The following USP13 variants were observed in gnomAD, a reference collection of about 807,000 sequenced individuals.
USP13 encodes ubiquitin carboxyl-terminal hydrolase 13.
Under a neutral mutation model 107.8 loss-of-function variants are expected in USP13, and 68 were observed. The ratio of observed to expected loss-of-function variants is 0.63; its 90% confidence interval spans 0.52 to 0.77. USP13 has a LOEUF of 0.77. Ranked by LOEUF, USP13 falls within the 30% of genes least tolerant of loss-of-function variation. The pLI is 0.00. For missense variants in USP13, 945 were observed against 1,093.3 expected (o/e 0.86, Z 1.91); for synonymous variants, 377 against 389.5 (o/e 0.97, Z 0.38).
chr3:179,690,431 T>C, intron 3 of USP13, 130 bp downstream of exon 3: 1 of 778,662 alleles, frequency 1.3e-6, no homozygotes, highest in Non-Finnish European at 2.0e-6. Context: ...GAGGCACAGA[T>C]TTAAGGCCCG....
chr3:179,768,176 A>T lies in USP13; in HGVS notation c.2413+2328A>T, dbSNP rs562196612. On this transcript the variant is annotated intron_variant, in intron 19 of 20. Coordinates refer to ENST00000263966, the MANE Select transcript of USP13 (RefSeq NM_003940.3). Reference sequence around the variant, plus strand: ...CATAATGGGCATTTCCTTGGAGAGGATGAGTCCCTGCGGAAGGAATTAACC... The same window carrying T: ...CATAATGGGCATTTCCTTGGAGAGGTTGAGTCCCTGCGGAAGGAATTAACC... Among the ~76,000 whole-genome samples, 193 of 152,316 alleles carry T rather than the reference A, an allele frequency of 1.3e-3. 1 individual carries two copies. The highest frequency in any genetic ancestry group is 4.5e-3 in the African/African-American group (185 of 41,564).
In USP13 at chr3:179,740,386, C is replaced by T. The variant is rs147766388; in HGVS notation, c.1380+14C>T. ...AATCTAGTAGAGGTGAGTAGTCAGT[C>T]TTCACGGATGCTCAGCGGGGTTGTA... On this transcript the variant is annotated intron_variant, in intron 11 of 20. Transcript: ENST00000263966. 2 of 1,613,866 alleles carry T rather than the reference C, an allele frequency of 1.2e-6. No homozygotes were observed. The highest frequency in any genetic ancestry group is 1.7e-6 in the Non-Finnish European group (2 of 1,179,870).
chr3:179,743,037 T>C (rs2268929), intron 12 of USP13, among the ~76,000 whole-genome samples: 71,243 of 152,026 alleles, frequency 0.47, 17,244 homozygotes, highest in East Asian at 0.67. Context: ...TCCTGTGAAC[T>C]AGTCATTTTT....
At chr3:179,729,928 T>C (rs1713736804) in intron 8 of USP13, among the ~76,000 whole-genome samples, 3 of 152,226 alleles carry the variant, frequency 2.0e-5, no homozygotes, top group Admixed American at 2.0e-4. Context: ...TTAGGGGTGC[T>C]TCTGGTTTTG....
At chr3:179,718,819 C>T (rs1187977334) in intron 6 of USP13, among the ~76,000 whole-genome samples, 2 of 152,012 alleles carry the variant, frequency 1.3e-5, no homozygotes, top group South Asian at 2.1e-4. Flanking sequence ...GCCAGTGGCA[C>T]GATCTTGGGT....
chr3:179,748,889 AC>A (rs1441255158), intron 13 of USP13, among the ~76,000 whole-genome samples: 6 of 152,164 alleles, frequency 3.9e-5, no homozygotes, highest in Non-Finnish European at 8.8e-5. Flanking sequence ...CTATCTGTAA[AC>A]TGGGGATAAT....
intron 6 of USP13, 137 bp downstream of exon 6, chr3:179,709,094 T>C (rs1014456414): frequency 3.6e-6 from 4 of 1,113,414 alleles, no homozygotes; most frequent in African/African-American, 3.2e-5. Flanking sequence ...CTGCCTCTTA[T>C]TAGTTTTGAG....
intron 7 of USP13, 116 bp downstream of exon 7, chr3:179,720,150 T>G: frequency 1.5e-6 from 1 of 656,514 alleles, no homozygotes; most frequent in East Asian, 3.2e-5. Context: ...CTTCATTTTA[T>G]AGGTTTTAGC....
At chr3:179,754,888 C>T (rs1714735347) in intron 15 of USP13, 34 bp downstream of exon 15, 3 of 1,581,352 alleles carry the variant, frequency 1.9e-6, no homozygotes, top group Non-Finnish European at 2.6e-6. Flanking sequence ...ATGCGCTACC[C>T]TCCCACCCTG....
At chr3:179,756,075 GCT>G (rs1280541513) in intron 15 of USP13, among the ~76,000 whole-genome samples, 1 of 152,196 alleles carries the variant, frequency 6.6e-6, no homozygotes, top group Middle Eastern at 3.2e-3. Context: ...TACTGCTCCA[GCT>G]CTCTCTGATG....
chr3:179,786,278 T>C lies in USP13; in HGVS notation c.*2137T>C, dbSNP rs1373996912. ...AAAAATGGCTTGTTTTCAGCGATGT[T>C]ATAAAACAAAGGCCTGTTTTTTGGA... On this transcript the variant is annotated 3_prime_UTR_variant, in exon 21 of 21. Transcript: ENST00000263966. 1 of 152,226 alleles carries C rather than the reference T, an allele frequency of 6.6e-6. No individual in the cohort carries two copies. Among genetic ancestry groups the C allele is most frequent in the Non-Finnish European group, 1.5e-5 (1 of 68,040 alleles). The allele number at this position is 152,226 out of a possible 1,614,324, so 9.4% of individuals were successfully genotyped here. A position where few individuals can be genotyped will look rare whatever the true frequency, so the allele number is the denominator to read the frequency against.
At chr3:179,676,982 C>T (rs1393460908) in intron 1 of USP13, among the ~76,000 whole-genome samples, 5 of 151,962 alleles carry the variant, frequency 3.3e-5, no homozygotes, top group Non-Finnish European at 7.4e-5. Context: ...CCTCAGCCTC[C>T]CAAGTAGCTG....
In USP13 at chr3:179,690,313, T is replaced by C. The variant is rs766816975; in HGVS notation, c.355+12T>C. 5.0e-6 allele frequency: 8 copies of C among 1,612,852 alleles called. No homozygotes were observed. The highest frequency in any genetic ancestry group is 1.3e-5 in the African/African-American group (1 of 75,022). ...CAAGATTTTTTTAGGTAAATAGTTATCAGTAGCATGCTCAGATTTTGTGTT... is the reference window on the plus strand; with the variant it reads ...CAAGATTTTTTTAGGTAAATAGTTACCAGTAGCATGCTCAGATTTTGTGTT... On this transcript the variant is annotated intron_variant, in intron 3 of 20. Transcript: ENST00000263966.
Position 179,657,762 on chromosome 3 carries a change from CAAA to C in USP13, c.168+4391_168+4393del, listed in dbSNP as rs35377039. Among the ~76,000 whole-genome samples, 735 of 73,828 alleles carry C rather than the reference CAAA, an allele frequency of 1.0e-2. 12 individuals carry two copies. The East Asian group carries it at 0.13, about 13-fold the overall frequency. The allele number at this position is 73,828 out of a possible 152,430, so 48.4% of individuals were successfully genotyped here. ...CTGGTGACAGAGGGGAATTCCGTCT[CAAA>C]AAAAAAAAAAAAAAAAAAAAAGAAA... On this transcript the variant is annotated intron_variant, in intron 1 of 20. Coordinates refer to ENST00000263966, the MANE Select transcript of USP13 (RefSeq NM_003940.3).
At chr3:179,730,749 G>A (rs1713776051) in intron 10 of USP13, 40 bp downstream of exon 10, 1 of 1,584,746 alleles carries the variant, frequency 6.3e-7, no homozygotes, top group South Asian at 1.1e-5. Flanking sequence ...ATGTAGGTAG[G>A]GAGGAGCTTT....
chr3:179,784,193 C>T lies in USP13; in HGVS notation c.*52C>T. ...GAAGCCATACGCCTTTTTAATTTGC[C>T]AAAAAAAAAAAGAAGAAGAAGAAGT... On this transcript the variant is annotated 3_prime_UTR_variant, in exon 21 of 21. Transcript: ENST00000263966. The T allele has an allele frequency of 9.6e-7, 1 of 1,041,300 alleles. No individual in the cohort carries two copies. The allele number at this position is 1,041,300 out of a possible 1,614,324, so 64.5% of individuals were successfully genotyped here.
At chr3:179,700,858 T>G in intron 3 of USP13, 150 bp from the exon 4 acceptor site, 1 of 864,860 alleles carries the variant, frequency 1.2e-6, no homozygotes, top group Non-Finnish European at 1.7e-6. Flanking sequence ...TGAGGACAGA[T>G]GGACGGCCCT....
chr3:179,781,143 T>C (rs1715733094), intron 19 of USP13, among the ~76,000 whole-genome samples: 1 of 152,220 alleles, frequency 6.6e-6, no homozygotes, highest in Non-Finnish European at 1.5e-5. Context: ...TATCTCTTTG[T>C]TCAGAAAACA....
At chr3:179,731,402 TCAAACAAA>T (rs148223060) in intron 10 of USP13, among the ~76,000 whole-genome samples, 1 of 152,046 alleles carries the variant, frequency 6.6e-6, no homozygotes, top group African/African-American at 2.4e-5. Context: ...AGACTCCATA[TCAAACAAA>T]CAAACAAACA....
Sources: allele counts gnomAD v4.1 joint callset (sites outside exome capture counted in the v4.1 genomes callset), GRCh38; gene constraint gnomAD v4.1.1; transcripts MANE v1.5; gene names NCBI Gene and HGNC (gene_info 2026-07-23, HGNC 2026-07-21).